The following TATDN1 variants were observed in gnomAD, a reference collection of about 807,000 sequenced individuals.
TATDN1 encodes TatD DNase domain containing 1.
TATDN1 carries 40 observed loss-of-function variants against 46.4 expected under a neutral mutation model. The observed-to-expected ratio is 0.86, with a 90% CI of 0.67 to 1.12. The LOEUF (loss-of-function observed/expected upper bound fraction) is 1.12, where lower values mean the gene tolerates loss of function less well. Ranked by LOEUF, TATDN1 falls within the 50% of genes most tolerant of loss-of-function variation. The pLI is 0.00. For synonymous variants in TATDN1, 95 were observed against 105.6 expected, an observed-to-expected ratio of 0.90 and a Z score of 0.62; for missense variants, 326 against 348.4, an observed-to-expected ratio of 0.94 and a Z score of 0.51.
chr8:124,534,297 A>C (rs539874781), intron 1 of TATDN1, among the ~76,000 whole-genome samples: 1 of 152,276 alleles, frequency 6.6e-6, no homozygotes, highest in Admixed American at 6.5e-5. Flanking sequence ...AATCAAAAGA[A>C]TATTTTGTGA....
At chr8:124,492,070 GTTCA>G (rs1817053385) in intron 11 of TATDN1, among the ~76,000 whole-genome samples, 1 of 151,884 alleles carries the variant, frequency 6.6e-6, no homozygotes, top group South Asian at 2.1e-4. Flanking sequence ...CGCCTCCCAG[GTTCA>G]AGCGATTCTC....
At chr8:124,537,033 A>C (rs1294005127) in intron 1 of TATDN1, among the ~76,000 whole-genome samples, 2 of 152,218 alleles carry the variant, frequency 1.3e-5, no homozygotes, top group African/African-American at 4.8e-5. Flanking sequence ...AGGAAACCAT[A>C]CAGAAAAAAA....
chr8:124,497,747 G>A (rs1234166916), intron 9 of TATDN1, among the ~76,000 whole-genome samples: 2 of 152,156 alleles, frequency 1.3e-5, no homozygotes, highest in African/African-American at 4.8e-5. Flanking sequence ...GGCAGCCATG[G>A]ATGCCCAATG....
intron 9 of TATDN1, among the ~76,000 whole-genome samples, chr8:124,501,827 G>T (rs899600665): frequency 2.6e-5 from 4 of 152,042 alleles, no homozygotes; most frequent in South Asian, 2.1e-4. Context: ...GCAACACCAG[G>T]CGTGATGAAA....
chr8:124,494,203 T>A, intron 10 of TATDN1: 7 of 276,458 alleles, frequency 2.5e-5, no homozygotes, highest in Non-Finnish European at 2.7e-5. Flanking sequence ...CAGCATGCTT[T>A]AAAAAAAAGA....
intron 3 of TATDN1, among the ~76,000 whole-genome samples, chr8:124,521,061 A>G (rs979800279): frequency 2.6e-5 from 4 of 151,978 alleles, no homozygotes; most frequent in Admixed American, 2.0e-4. Flanking sequence ...TACACTCAAT[A>G]TTTTATTTAG....
chr8:124,531,242 C>A (rs1239141975), intron 1 of TATDN1, among the ~76,000 whole-genome samples: 1 of 152,104 alleles, frequency 6.6e-6, no homozygotes, highest in Non-Finnish European at 1.5e-5. Flanking sequence ...GGTCTAAGTG[C>A]ACAGACCAAC....
At chr8:124,528,063 T>C (rs1364039672) in intron 1 of TATDN1, among the ~76,000 whole-genome samples, 6 of 152,170 alleles carry the variant, frequency 3.9e-5, no homozygotes. Context: ...CACTTAGCAG[T>C]TTGAAAGGGA....
At chr8:124,528,412 A>G (rs1317351131) in intron 1 of TATDN1, among the ~76,000 whole-genome samples, 1 of 152,048 alleles carries the variant, frequency 6.6e-6, no homozygotes, top group Non-Finnish European at 1.5e-5. Flanking sequence ...TGACCTTGTG[A>G]TCCTCCCGCC....
At chr8:124,502,170 T>C (rs958763997) in intron 9 of TATDN1, among the ~76,000 whole-genome samples, 1 of 151,834 alleles carries the variant, frequency 6.6e-6, no homozygotes, top group Non-Finnish European at 1.5e-5. Context: ...CTGTCTCTAC[T>C]AAAAATACAA....
At chr8:124,535,073 A>G (rs1299505862) in intron 1 of TATDN1, among the ~76,000 whole-genome samples, 1 of 152,180 alleles carries the variant, frequency 6.6e-6, no homozygotes, top group African/African-American at 2.4e-5. Context: ...CCCCTTCCCC[A>G]GAAGTGGGAG....
intron 4 of TATDN1, 30 bp downstream of exon 4, chr8:124,518,788 T>C (rs200676410): frequency 6.4e-6 from 10 of 1,558,310 alleles, no homozygotes; most frequent in Middle Eastern, 3.4e-4. Flanking sequence ...TTAATTCATT[T>C]TTTTTTTGGT....
intron 11 of TATDN1, chr8:124,488,968 G>A (rs760701593): frequency 2.7e-6 from 1 of 365,458 alleles, no homozygotes; most frequent in African/African-American, 2.2e-5. Context: ...ACCAATTATA[G>A]CATTAACTGA....
intron 1 of TATDN1, among the ~76,000 whole-genome samples, chr8:124,534,665 C>T (rs1336051063): frequency 6.6e-6 from 1 of 152,140 alleles, no homozygotes; most frequent in Non-Finnish European, 1.5e-5. Context: ...TCTCTGACAC[C>T]AGCTGGGTGA....
chr8:124,504,182 A>G (rs1054328002), intron 9 of TATDN1, 89 bp downstream of exon 9: 1 of 985,866 alleles, frequency 1.0e-6, no homozygotes. Flanking sequence ...ACTTTAATGA[A>G]AATAAATCTT....
At chr8:124,526,999 T>TA (rs994900340) in intron 1 of TATDN1, among the ~76,000 whole-genome samples, 1 of 150,862 alleles carries the variant, frequency 6.6e-6, no homozygotes, top group Admixed American at 6.6e-5. Context: ...GGTGTTGACT[T>TA]AAAATCACGA....
intron 1 of TATDN1, among the ~76,000 whole-genome samples, chr8:124,530,023 G>A (rs1177419392): frequency 2.6e-5 from 4 of 152,022 alleles, no homozygotes; most frequent in East Asian, 1.9e-4. Context: ...CCCGGGAGGC[G>A]GAGGTTATAG....
At chr8:124,495,187 C>A in intron 10 of TATDN1, 1 of 405,846 alleles carries the variant, frequency 2.5e-6, no homozygotes, top group Non-Finnish European at 4.4e-6. Context: ...TAGTCAAGAC[C>A]CCTTGTTTAG....
chr8:124,539,031 A>T lies in TATDN1; in HGVS notation c.16T>A (p.Phe6Ile), dbSNP rs1586705602. ...TGGAAAACGCTCCTCTTACCGATAA[A>T]CTTGAAGCGACTCATGACTGCGCAT... is the stretch of plus-strand genomic sequence containing the variant. MSRFK[F>I]IDIGINLTDP... The change falls in exon 1 of 12, where the codon TTT (phenylalanine) becomes ATT (isoleucine). Residue 6 changes from phenylalanine (F) to isoleucine (I), a missense_variant. Physicochemically the swap from Phe to Ile is conservative, Grantham distance 21 (BLOSUM62 0). Transcript: ENST00000276692. 1 of 1,613,984 alleles carries T rather than the reference A, an allele frequency of 6.2e-7. No individual in the cohort carries two copies. Among genetic ancestry groups the T allele is most frequent in the Non-Finnish European group, 8.5e-7 (1 of 1,179,924 alleles).
Sources: gnomAD v4.1 joint callset for allele counts (sites outside exome capture counted in the v4.1 genomes callset) on GRCh38, gnomAD v4.1.1 for gene constraint, MANE v1.5 for transcripts, NCBI Gene and HGNC (gene_info 2026-07-23, HGNC 2026-07-21) for gene names.